DMD: variants seen among roughly 807,000 people sequenced by gnomAD.
DMD encodes dystrophin, also known as mutant dystrophin.
DMD carries 63 observed loss-of-function variants against 330.1 expected under a neutral mutation model. That is an observed-to-expected ratio of 0.19 (90% CI 0.16 to 0.24). The LOEUF (loss-of-function observed/expected upper bound fraction) is 0.24, where lower values mean the gene tolerates loss of function less well. DMD is among the 10% of genes least tolerant of loss of function. DMD has a pLI of 1.00. For missense variants in DMD, 3,344 were observed against 2,684.1 expected, an observed-to-expected ratio of 1.25 and a Z score of -5.43; for synonymous variants, 1,223 against 959.8, an observed-to-expected ratio of 1.27 and a Z score of -5.07.
intron 48 of DMD, among the ~76,000 whole-genome samples, chrX:31,860,556 T>C (rs1310239935): frequency 8.9e-6 from 1 of 112,216 alleles, no homozygotes; most frequent in Non-Finnish European, 1.9e-5. Context: ...TACATCTCAG[T>C]ATGCTAATAC....
At chrX:32,982,336 T>C (rs1240656021) in intron 2 of DMD, among the ~76,000 whole-genome samples, 2 of 111,854 alleles carry the variant, frequency 1.8e-5, no homozygotes, top group Non-Finnish European at 1.9e-5. Flanking sequence ...TGACACGTTG[T>C]AGGAATTCAA....
intron 71 of DMD, among the ~76,000 whole-genome samples, chrX:31,174,335 T>C (rs2040301672): frequency 8.9e-6 from 1 of 111,989 alleles, no homozygotes; most frequent in Non-Finnish European, 1.9e-5. Flanking sequence ...TTAGCAGGAA[T>C]AGTCTATATG....
intron 25 of DMD, among the ~76,000 whole-genome samples, chrX:32,462,803 C>A (rs2098388215): frequency 9.1e-6 from 1 of 109,855 alleles, no homozygotes; most frequent in South Asian, 3.9e-4. Context: ...CAAAAAATAA[C>A]AAAAAATTAG....
intron 16 of DMD, among the ~76,000 whole-genome samples, chrX:32,560,980 G>A (rs1325823136): frequency 2.7e-5 from 3 of 111,413 alleles, no homozygotes; most frequent in East Asian, 5.7e-4. Context: ...GGGTATTTCT[G>A]GTTCTAGTTC....
Position 31,209,658 on chromosome X carries a change from G to C in DMD, c.9403C>G (p.Gln3135Glu). 3 of 1,211,207 alleles carry C rather than the reference G, an allele frequency of 2.5e-6. No individual in the cohort carries two copies. The highest frequency in any genetic ancestry group is 3.4e-6 in the Non-Finnish European group (3 of 895,355). The stretch of plus-strand genomic sequence containing the variant: ...TGGTCATTTTGCTTGAGGTTGTGCT[G>C]GTCCAAGGCATCACATGCAGCTGAC... The part of the protein sequence containing the change: ...SLSAACDALD[Q>E]HNLKQNDQPM... Residue 3135 changes from glutamine to glutamate, a missense_variant, in exon 65 of 79, where the codon CAG becomes GAG. By Grantham distance (29) the Gln-to-Glu change is conservative. Coordinates refer to ENST00000357033, the MANE Select transcript of DMD (RefSeq NM_004006.3).
At chrX:32,731,533 C>A (rs966904533) in intron 7 of DMD, among the ~76,000 whole-genome samples, 1 of 112,381 alleles carries the variant, frequency 8.9e-6, no homozygotes, top group Non-Finnish European at 1.9e-5. Flanking sequence ...TTGAAGAGAG[C>A]AGTGGTTCTC....
intron 2 of DMD, among the ~76,000 whole-genome samples, chrX:33,018,445 TATAA>T (rs1214530529): frequency 1.8e-5 from 2 of 111,929 alleles, no homozygotes; most frequent in Non-Finnish European, 3.8e-5. Context: ...GCTAACAATA[TATAA>T]ATAGAGGATG....
At chrX:31,874,748 G>A (rs1603512971) in intron 48 of DMD, among the ~76,000 whole-genome samples, 2 of 110,884 alleles carry the variant, frequency 1.8e-5, no homozygotes, top group Admixed American at 1.9e-4. Flanking sequence ...AAGCCTGTCA[G>A]TTTTACAAGA....
At chrX:33,086,453 C>G (rs1386985589) in intron 1 of DMD, among the ~76,000 whole-genome samples, 2 of 111,271 alleles carry the variant, frequency 1.8e-5, no homozygotes, top group East Asian at 2.8e-4. Context: ...CAAAGCAACA[C>G]CTGTTAATAA....
chrX:31,473,863 A>C (rs12009327), intron 59 of DMD, among the ~76,000 whole-genome samples: 5 of 110,631 alleles, frequency 4.5e-5, no homozygotes, highest in Non-Finnish European at 7.5e-5. Context: ...TCTATGTGGA[A>C]CACCTAGTAA....
intron 1 of DMD, among the ~76,000 whole-genome samples, chrX:33,247,986 A>G (rs1048927272): frequency 3.4e-4 from 38 of 112,137 alleles, no homozygotes; most frequent in Middle Eastern, 4.7e-3. Flanking sequence ...GCCATACTGT[A>G]AGACTCATGC....
intron 16 of DMD, among the ~76,000 whole-genome samples, chrX:32,559,303 T>C (rs2050730130): frequency 9.0e-6 from 1 of 111,164 alleles, no homozygotes; most frequent in Non-Finnish European, 1.9e-5. Flanking sequence ...ACCCAAAACA[T>C]GTTCTCAAAT....
chrX:33,088,790 A>G (rs756213472), intron 1 of DMD, among the ~76,000 whole-genome samples: 59 of 112,428 alleles, frequency 5.2e-4, no homozygotes, highest in African/African-American at 1.9e-3. Flanking sequence ...TTGGAAATTA[A>G]CTGTTTAATT....
chrX:31,330,986 T>G (rs925972940), intron 61 of DMD, among the ~76,000 whole-genome samples: 1 of 112,157 alleles, frequency 8.9e-6, no homozygotes, highest in Non-Finnish European at 1.9e-5. Flanking sequence ...AATGAAAACT[T>G]TAAGATCACT....
chrX:32,957,968 A>C (rs761292990), intron 2 of DMD, among the ~76,000 whole-genome samples: 2 of 112,134 alleles, frequency 1.8e-5, no homozygotes, highest in Non-Finnish European at 3.8e-5. Flanking sequence ...AATAAAATAA[A>C]TGCAGAAATC....
At chrX:32,692,396 T>A (rs948710798) in intron 9 of DMD, among the ~76,000 whole-genome samples, 1 of 111,633 alleles carries the variant, frequency 9.0e-6, no homozygotes, top group Non-Finnish European at 1.9e-5. Context: ...GTGATACTTT[T>A]AATCTAAGGA....
intron 47 of DMD, among the ~76,000 whole-genome samples, chrX:31,924,252 T>C (rs1164695206): frequency 8.9e-6 from 1 of 112,122 alleles, no homozygotes; most frequent in East Asian, 2.8e-4. Context: ...AGGAAATTGA[T>C]TGGACAAAGT....
chrX:31,951,199 A>G (rs1316201106), intron 45 of DMD, among the ~76,000 whole-genome samples: 1 of 98,387 alleles, frequency 1.0e-5, no homozygotes, highest in Non-Finnish European at 2.0e-5. Context: ...CTTAATAGAT[A>G]TCTTATACAT....
chrX:31,866,057 G>A (rs1288861409), intron 48 of DMD, among the ~76,000 whole-genome samples: 1 of 110,965 alleles, frequency 9.0e-6, no homozygotes, highest in African/African-American at 3.3e-5. Context: ...GGCCTCTTCC[G>A]AAAACATAAG....
Sources: allele counts gnomAD v4.1 joint callset (sites outside exome capture counted in the v4.1 genomes callset), GRCh38; gene constraint gnomAD v4.1.1; transcripts MANE v1.5; gene names NCBI Gene and HGNC (gene_info 2026-07-23, HGNC 2026-07-21).